Variants in ACVR1 observed in about 807,000 individuals in gnomAD.
ACVR1 encodes activin receptor type-1.
A neutral mutation model predicts 57.1 loss-of-function variants in ACVR1; 38 were observed. The observed-to-expected ratio is 0.67, with a 90% CI of 0.51 to 0.87. The LOEUF (loss-of-function observed/expected upper bound fraction) is 0.87, where lower values mean the gene tolerates loss of function less well. ACVR1 is among the 40% of genes least tolerant of loss of function. The pLI is 0.00. For missense variants in ACVR1, 463 were observed against 638.2 expected (o/e 0.73, Z 2.96); for synonymous variants, 212 against 228.1 (o/e 0.93, Z 0.63).
chr2:157,784,330 C>A (rs1422317943), intron 3 of ACVR1, among the ~76,000 whole-genome samples: 3 of 152,166 alleles, frequency 2.0e-5, no homozygotes, highest in Non-Finnish European at 4.4e-5. Context: ...TAATCAGATT[C>A]TGTGACTGAT....
intron 6 of ACVR1, among the ~76,000 whole-genome samples, chr2:157,773,168 G>A (rs1686137105): frequency 6.6e-6 from 1 of 152,208 alleles, no homozygotes; most frequent in Non-Finnish European, 1.5e-5. Flanking sequence ...ATCCCTGCAA[G>A]CCGTCTAAAA....
intron 8 of ACVR1, among the ~76,000 whole-genome samples, chr2:157,765,070 G>A (rs1293728151): frequency 1.3e-5 from 2 of 152,070 alleles, no homozygotes; most frequent in African/African-American, 4.8e-5. Context: ...ATCAAGTAGA[G>A]GGCCCTGAAT....
At chr2:157,845,307 A>T (rs1689096197) in intron 1 of ACVR1, among the ~76,000 whole-genome samples, 1 of 152,176 alleles carries the variant, frequency 6.6e-6, no homozygotes, top group South Asian at 2.1e-4. Context: ...TAACTTAAGA[A>T]TCTTGAGATG....
chr2:157,760,866 G>A lies in ACVR1; in HGVS notation c.1264+14C>T. ...CTTGGATTAAGACAATATTATATTAGATTAGATACCTACCATTGCTCACCA... is the reference window on the plus strand; with the variant it reads ...CTTGGATTAAGACAATATTATATTAAATTAGATACCTACCATTGCTCACCA... On this transcript the variant is annotated intron_variant, in intron 9 of 10. Coordinates refer to ENST00000434821, the MANE Select transcript of ACVR1 (RefSeq NM_001111067.4). 6.2e-7 allele frequency: 1 copy of A among 1,613,144 alleles called. No homozygotes were observed. The highest frequency in any genetic ancestry group is 8.5e-7 in the Non-Finnish European group (1 of 1,179,288).
At chr2:157,855,807 G>T (rs79547996) in intron 1 of ACVR1, among the ~76,000 whole-genome samples, 1 of 152,052 alleles carries the variant, frequency 6.6e-6, no homozygotes, top group Non-Finnish European at 1.5e-5. Context: ...TGGCTGCATC[G>T]AGTGGTGGGA....
rs551851102 is a variant in ACVR1, at chr2:157,806,843, G to C, written c.-7-7343C>G. The C allele has an allele frequency of 4.6e-5, 7 of 152,304 alleles. No homozygotes were observed. In the South Asian group the frequency reaches 1.4e-3, roughly 32 times the overall value. 9.4% of individuals were successfully genotyped at this position (152,304 alleles called of 1,614,324 possible). ...GCAATGTGCAAATTGCCAAGGCTTG[G>C]TTTTATATAGACTTCACTGCTGCTG... On this transcript the variant is annotated intron_variant, in intron 2 of 10. Coordinates refer to ENST00000434821, the MANE Select transcript of ACVR1 (RefSeq NM_001111067.4).
At chr2:157,762,374 A>C (rs1277536447) in intron 8 of ACVR1, among the ~76,000 whole-genome samples, 1 of 152,260 alleles carries the variant, frequency 6.6e-6, no homozygotes, top group Non-Finnish European at 1.5e-5. Flanking sequence ...ATAGGTATGT[A>C]ATAGGAAAAA....
At chr2:157,841,719 T>C (rs990900010) in intron 1 of ACVR1, among the ~76,000 whole-genome samples, 2 of 151,882 alleles carry the variant, frequency 1.3e-5, no homozygotes, top group Non-Finnish European at 2.9e-5. Context: ...CAAGACCCCA[T>C]CTCTTTATAA....
At chr2:157,764,245 C>T (rs938071451) in intron 8 of ACVR1, among the ~76,000 whole-genome samples, 6 of 152,024 alleles carry the variant, frequency 3.9e-5, no homozygotes, top group Non-Finnish European at 5.9e-5. Context: ...TGCAATAGCG[C>T]GACCTCGGCT....
chr2:157,832,159 T>C (rs1254486999), intron 1 of ACVR1, among the ~76,000 whole-genome samples: 1 of 152,144 alleles, frequency 6.6e-6, no homozygotes, highest in Non-Finnish European at 1.5e-5. Flanking sequence ...GGCATTGGTA[T>C]CTTAAGCACA....
At chr2:157,773,478 G>A (rs1336451856) in intron 6 of ACVR1, among the ~76,000 whole-genome samples, 1 of 152,110 alleles carries the variant, frequency 6.6e-6, no homozygotes, top group African/African-American at 2.4e-5. Flanking sequence ...TTTGTGATGT[G>A]TACAAACACA....
chr2:157,840,532 C>A (rs1277392687), intron 1 of ACVR1, among the ~76,000 whole-genome samples: 1 of 152,222 alleles, frequency 6.6e-6, no homozygotes, highest in Non-Finnish European at 1.5e-5. Context: ...AAAGTGTCAC[C>A]TGATCTTGGC....
intron 1 of ACVR1, among the ~76,000 whole-genome samples, chr2:157,868,484 C>A (rs1380797255): frequency 2.1e-5 from 3 of 140,016 alleles, no homozygotes; most frequent in African/African-American, 7.9e-5. Context: ...GACTCCATCT[C>A]AAAAAAAAAA....
chr2:157,774,555 G>A (rs1686203155), intron 5 of ACVR1, among the ~76,000 whole-genome samples: 1 of 151,790 alleles, frequency 6.6e-6, no homozygotes, highest in African/African-American at 2.4e-5. Flanking sequence ...GTAGAGACGG[G>A]GTTTCTCCAT....
chr2:157,835,440 A>G (rs1688749088), intron 1 of ACVR1, among the ~76,000 whole-genome samples: 1 of 152,228 alleles, frequency 6.6e-6, no homozygotes, highest in South Asian at 2.1e-4. Context: ...TAAGTTATTA[A>G]TATTATTGAT....
chr2:157,823,316 C>T (rs560651028), intron 1 of ACVR1, among the ~76,000 whole-genome samples: 2 of 152,224 alleles, frequency 1.3e-5, no homozygotes, highest in South Asian at 4.1e-4. Context: ...AGTGATTTTT[C>T]TAGGGATTTG....
chr2:157,841,669 G>A (rs115663673), intron 1 of ACVR1, among the ~76,000 whole-genome samples: 10 of 152,204 alleles, frequency 6.6e-5, no homozygotes, highest in Non-Finnish European at 1.2e-4. Flanking sequence ...CCATGATCTT[G>A]CCTGTGAATA....
intron 9 of ACVR1, among the ~76,000 whole-genome samples, chr2:157,738,954 G>GA (rs764787139): frequency 1.3e-5 from 2 of 152,196 alleles, no homozygotes; most frequent in Non-Finnish European, 2.9e-5. Flanking sequence ...GAAAGTACCT[G>GA]AATCTAGTGG....
At chr2:157,770,302 G>A in intron 7 of ACVR1, 66 bp downstream of exon 7, 2 of 1,580,412 alleles carry the variant, frequency 1.3e-6, no homozygotes, top group Non-Finnish European at 1.7e-6. Flanking sequence ...CCAAAACGGA[G>A]AGAGCAAAGG....
Sources: allele counts gnomAD v4.1 joint callset (sites outside exome capture counted in the v4.1 genomes callset), GRCh38; gene constraint gnomAD v4.1.1; transcripts MANE v1.5; gene names NCBI Gene and HGNC (gene_info 2026-07-23, HGNC 2026-07-21).